The following PLCB4 variants were observed in gnomAD, a reference collection of about 807,000 sequenced individuals.
PLCB4 encodes the protein 1-phosphatidylinositol 4,5-bisphosphate phosphodiesterase beta-4.
In PLCB4, 77 loss-of-function variants were observed where a neutral mutation model predicts 178.8. That is an observed-to-expected ratio of 0.43 (90% confidence interval 0.36 to 0.52). The LOEUF is 0.52. Among genes scored for constraint, PLCB4 ranks in the 20% least tolerant of loss-of-function variants. The probability of loss-of-function intolerance (pLI) is 0.00; values close to 1 mark genes in which losing one functional copy is unlikely to be tolerated. For synonymous variants in PLCB4, 496 were observed against 490.8 expected, an observed-to-expected ratio of 1.01 and a Z score of -0.14; for missense variants, 1,024 against 1,453.4, an observed-to-expected ratio of 0.70 and a Z score of 4.80.
intron 3 of PLCB4, among the ~76,000 whole-genome samples, chr20:9,298,364 C>T (rs1056140722): frequency 3.3e-5 from 5 of 152,080 alleles, no homozygotes; most frequent in Non-Finnish European, 7.4e-5. Context: ...GTATGTCTCT[C>T]TTGTTAACCT....
intron 12 of PLCB4, among the ~76,000 whole-genome samples, chr20:9,373,842 A>G (rs774725316): frequency 1.3e-5 from 2 of 152,226 alleles, no homozygotes. Flanking sequence ...TTCTTCACAC[A>G]TACAAAAAAA....
At chr20:9,137,632 C>G (rs561335401) in intron 2 of PLCB4, among the ~76,000 whole-genome samples, 2 of 151,892 alleles carry the variant, frequency 1.3e-5, no homozygotes, top group East Asian at 3.9e-4. Flanking sequence ...ATCTATCCAT[C>G]TGGAAATTTC....
intron 2 of PLCB4, among the ~76,000 whole-genome samples, chr20:9,129,738 T>C (rs2092225230): frequency 6.6e-6 from 1 of 152,200 alleles, no homozygotes; most frequent in African/African-American, 2.4e-5. Flanking sequence ...TATGAGCATT[T>C]AAACCTTGTT....
At chr20:9,287,213 G>A (rs953767019) in intron 3 of PLCB4, among the ~76,000 whole-genome samples, 1 of 151,958 alleles carries the variant, frequency 6.6e-6, no homozygotes, top group Non-Finnish European at 1.5e-5. Flanking sequence ...GAAAACTTCA[G>A]GTATCAGACT....
At chr20:9,264,883 A>G (rs1369476043) in intron 3 of PLCB4, among the ~76,000 whole-genome samples, 2 of 152,116 alleles carry the variant, frequency 1.3e-5, no homozygotes, top group Admixed American at 6.6e-5. Context: ...ACCAGTGTCA[A>G]GAGACATCAT....
intron 2 of PLCB4, among the ~76,000 whole-genome samples, chr20:9,114,432 T>G (rs1395931998): frequency 6.6e-6 from 1 of 152,006 alleles, no homozygotes; most frequent in Non-Finnish European, 1.5e-5. Context: ...AGAAACAGCC[T>G]AGGTAGAGGA....
intron 1 of PLCB4, among the ~76,000 whole-genome samples, chr20:9,081,717 A>T (rs960287001): frequency 2.7e-5 from 4 of 149,892 alleles, no homozygotes; most frequent in African/African-American, 9.8e-5. Flanking sequence ...AAATGCCATT[A>T]TTGCAAAGCC....
intron 3 of PLCB4, among the ~76,000 whole-genome samples, chr20:9,250,488 T>C (rs1418762397): frequency 6.6e-6 from 1 of 152,254 alleles, no homozygotes; most frequent in Admixed American, 6.5e-5. Flanking sequence ...ATATGAGTTA[T>C]ATATTTTACT....
intron 2 of PLCB4, among the ~76,000 whole-genome samples, chr20:9,162,353 G>C (rs1218828659): frequency 6.6e-6 from 1 of 152,130 alleles, no homozygotes; most frequent in African/African-American, 2.4e-5. Context: ...GGCGATTTGT[G>C]TATGTTTTGG....
chr20:9,144,185 C>T (rs1373483954), intron 2 of PLCB4, among the ~76,000 whole-genome samples: 1 of 152,054 alleles, frequency 6.6e-6, no homozygotes, highest in Admixed American at 6.6e-5. Context: ...TAGTAAGTTT[C>T]TGAAGGACAG....
chr20:9,224,845 C>T lies in PLCB4; in HGVS notation c.-16+7393C>T, dbSNP rs147163811. 2.2e-3 allele frequency among the ~76,000 whole-genome samples: 336 copies of T among 152,276 alleles called. 1 individual carries two copies. The highest frequency in any genetic ancestry group is 6.9e-3 in the African/African-American group (287 of 41,554). On this transcript the variant is annotated intron_variant, in intron 3 of 39. Transcript: ENST00000378473. ...GCTCAACATTCTACCAAATACTGTT[C>T]GCCCTGGTTTTCATAGGAAAATCCC...
rs143949330 is a variant in PLCB4 at position 9,194,450 on chromosome 20, G to A, written c.-78-22940G>A. Among the ~76,000 whole-genome samples the A allele has an allele frequency of 3.0e-3, 460 of 152,124 alleles. 1 individual carries two copies. The highest frequency in any genetic ancestry group is 0.01 in the African/African-American group (430 of 41,518). On this transcript the variant is annotated intron_variant, in intron 2 of 39. Transcript: ENST00000378473. The stretch of plus-strand genomic sequence containing the variant: ...ACGTGTAATCCCAGCACTTTGGGAG[G>A]ACAAGGTGGGTGGATCACAAGGTCA...
intron 4 of PLCB4, among the ~76,000 whole-genome samples, chr20:9,334,393 A>G (rs2032145275): frequency 6.6e-6 from 1 of 152,154 alleles, no homozygotes; most frequent in South Asian, 2.1e-4. Context: ...TATTTCTAAG[A>G]TATTATGTCC....
intron 4 of PLCB4, among the ~76,000 whole-genome samples, chr20:9,312,716 T>A (rs1001801971): frequency 2.6e-5 from 4 of 152,084 alleles, no homozygotes; most frequent in African/African-American, 4.8e-5. Flanking sequence ...ATTTAACTAA[T>A]CAGGGAGGAC....
chr20:9,410,615 C>T (rs1034783160), intron 24 of PLCB4, among the ~76,000 whole-genome samples: 14 of 152,142 alleles, frequency 9.2e-5, no homozygotes, highest in Non-Finnish European at 1.6e-4. Context: ...AAGTTTTATG[C>T]GATACTTACC....
chr20:9,261,973 C>T (rs552763009), intron 3 of PLCB4, among the ~76,000 whole-genome samples: 2 of 152,228 alleles, frequency 1.3e-5, no homozygotes, highest in South Asian at 4.1e-4. Flanking sequence ...TGTTGTTTAC[C>T]TTTAACTAAT....
At chr20:9,260,888 A>G (rs920909009) in intron 3 of PLCB4, among the ~76,000 whole-genome samples, 4 of 152,168 alleles carry the variant, frequency 2.6e-5, no homozygotes, top group East Asian at 3.8e-4. Context: ...AACAGAACAC[A>G]TTGCCTTAGA....
chr20:9,185,890 C>T (rs746960549), intron 2 of PLCB4, among the ~76,000 whole-genome samples: 4 of 152,174 alleles, frequency 2.6e-5, no homozygotes, highest in Non-Finnish European at 5.9e-5. Flanking sequence ...ATTTATAAAG[C>T]TAGATTTCTT....
At chr20:9,330,203 C>T (rs1897430422) in intron 4 of PLCB4, among the ~76,000 whole-genome samples, 1 of 152,094 alleles carries the variant, frequency 6.6e-6, no homozygotes. Context: ...ACTCCACCTG[C>T]TTTCCCAGTC....
Sources: allele counts gnomAD v4.1 joint callset (sites outside exome capture counted in the v4.1 genomes callset), GRCh38; gene constraint gnomAD v4.1.1; transcripts MANE v1.5; gene names NCBI Gene and HGNC (gene_info 2026-07-23, HGNC 2026-07-21).